STAU2: variants seen among roughly 807,000 people sequenced by gnomAD.
STAU2 encodes staufen double-stranded RNA binding protein 2.
STAU2 carries 20 observed loss-of-function variants against 65.9 expected under a neutral mutation model. That is an observed-to-expected ratio of 0.30 (90% CI 0.21 to 0.44). The LOEUF (loss-of-function observed/expected upper bound fraction) is 0.44. Ranked by LOEUF, STAU2 falls within the 20% of genes least tolerant of loss-of-function variation. STAU2 has a pLI of 1.00. For synonymous variants in STAU2, 232 were observed against 233.9 expected (o/e 0.99, Z 0.07); for missense variants, 558 against 683.9 (o/e 0.82, Z 2.05).
chr8:73,441,153 C>A (rs961555024), intron 13 of STAU2: 1 of 152,360 alleles, frequency 6.6e-6, no homozygotes, highest in East Asian at 1.9e-4. Flanking sequence ...CGCTGCCTCA[C>A]TTTTAGCAAG....
In STAU2 at chr8:73,647,092, G is replaced by A. The variant is rs543322270; in HGVS notation, c.410+26015C>T. Reference sequence around the variant, plus strand: ...TAGTGACAACCACAAATGCTGTGGAGGATGAGAAGAAACTGAATCTCTCAT... The same window carrying A: ...TAGTGACAACCACAAATGCTGTGGAAGATGAGAAGAAACTGAATCTCTCAT... On this transcript the variant is annotated intron_variant, in intron 6 of 14. Transcript: ENST00000524300. Among the ~76,000 whole-genome samples the A allele has an allele frequency of 1.3e-3, 195 of 152,190 alleles. 1 individual carries two copies. The highest frequency in any genetic ancestry group is 4.4e-3 in the African/African-American group (183 of 41,518).
At chr8:73,451,683 T>C (rs780429062) in intron 13 of STAU2, among the ~76,000 whole-genome samples, 7 of 151,916 alleles carry the variant, frequency 4.6e-5, no homozygotes, top group Non-Finnish European at 1.0e-4. Context: ...AGGTGGGCAC[T>C]CCTGACAGAC....
At chr8:73,581,911 T>C (rs922002371) in intron 12 of STAU2, among the ~76,000 whole-genome samples, 7 of 152,190 alleles carry the variant, frequency 4.6e-5, no homozygotes, top group Non-Finnish European at 8.8e-5. Context: ...TGGATTACGA[T>C]AATTTACAGA....
At chr8:73,654,664 A>AAAAAAAAAAAAAAAC (rs1554556802) in intron 6 of STAU2, among the ~76,000 whole-genome samples, 10 of 122,980 alleles carry the variant, frequency 8.1e-5, no homozygotes, top group Admixed American at 1.8e-4. Context: ...AAAAAAAAGA[A>AAAAAAAAAAAAAAAC]CTCTTTTAAT....
intron 13 of STAU2, among the ~76,000 whole-genome samples, chr8:73,464,326 G>T (rs750441229): frequency 6.6e-6 from 1 of 152,038 alleles, no homozygotes; most frequent in Non-Finnish European, 1.5e-5. Flanking sequence ...AGGTCCTTGC[G>T]GCTGCTTACT....
intron 13 of STAU2, among the ~76,000 whole-genome samples, chr8:73,465,772 C>T (rs1043453544): frequency 6.6e-6 from 1 of 152,146 alleles, no homozygotes; most frequent in African/African-American, 2.4e-5. Context: ...TGTTGTCTTT[C>T]ATTCTATTGC....
chr8:73,534,781 T>C (rs946655925), intron 13 of STAU2, among the ~76,000 whole-genome samples: 1 of 152,208 alleles, frequency 6.6e-6, no homozygotes, highest in Non-Finnish European at 1.5e-5. Flanking sequence ...AACAAAAATA[T>C]GAACATACAT....
At chr8:73,644,472 T>C (rs1472525266) in intron 6 of STAU2, among the ~76,000 whole-genome samples, 2 of 148,222 alleles carry the variant, frequency 1.3e-5, no homozygotes, top group East Asian at 2.0e-4. Flanking sequence ...TTATGAAGAA[T>C]GGTCTGAGAA....
intron 13 of STAU2, among the ~76,000 whole-genome samples, chr8:73,462,484 C>A (rs959588931): frequency 2.0e-5 from 3 of 152,116 alleles, no homozygotes; most frequent in Non-Finnish European, 4.4e-5. Flanking sequence ...CAACCTCCCC[C>A]TCCTGAGCTC....
At position 73,556,516 on chromosome 8, in the gene STAU2, G is replaced by C. The variant is rs1414768509; in HGVS notation, c.1223-4197C>G. Among the ~76,000 whole-genome samples, 6 of 152,250 alleles carry C rather than the reference G, an allele frequency of 3.9e-5. No homozygotes were observed. In the East Asian group the frequency reaches 5.8e-4, roughly 15 times the overall value. On this transcript the variant is annotated intron_variant, in intron 12 of 14. Transcript: ENST00000524300. ...CTCATGCCTGTAATCCCAGCACTTT[G>C]GGAGGCCGAAGCTGGCAAATCACGA... is the stretch of plus-strand genomic sequence containing the variant.
chr8:73,543,694 T>C (rs540104260), intron 13 of STAU2, among the ~76,000 whole-genome samples: 2 of 152,352 alleles, frequency 1.3e-5, no homozygotes, highest in African/African-American at 4.8e-5. Context: ...TTTCATGTTA[T>C]ATACTCAGTG....
chr8:73,558,457 C>T (rs1410600029), intron 12 of STAU2, among the ~76,000 whole-genome samples: 3 of 152,206 alleles, frequency 2.0e-5, no homozygotes, highest in South Asian at 2.1e-4. Context: ...CTCTGGCACA[C>T]AAATCTTCCT....
rs574391842 is a variant in STAU2, at chr8:73,674,316, T to A, written c.275-1074A>T. Among the ~76,000 whole-genome samples the A allele has an allele frequency of 5.3e-5, 8 of 151,998 alleles. 1 individual carries two copies. In the South Asian group the frequency reaches 1.7e-3, roughly 31 times the overall value. On this transcript the variant is annotated intron_variant, in intron 5 of 14. Transcript: ENST00000524300. Reference sequence around the variant, plus strand: ...TGGAACTAAATCTATCTACAGTGACTTAACCACAAAGAGAATTATTTCAAA... The same window carrying A: ...TGGAACTAAATCTATCTACAGTGACATAACCACAAAGAGAATTATTTCAAA...
chr8:73,440,269 G>A (rs1818041624), intron 13 of STAU2: 1 of 152,118 alleles, frequency 6.6e-6, no homozygotes, highest in African/African-American at 2.4e-5. Flanking sequence ...TAGAAATACT[G>A]ATAGCTCCAA....
At chr8:73,493,883 A>T (rs1385527245) in intron 13 of STAU2, among the ~76,000 whole-genome samples, 3 of 151,898 alleles carry the variant, frequency 2.0e-5, no homozygotes, top group Non-Finnish European at 4.4e-5. Context: ...GCATTTATGC[A>T]ATGAAATACT....
At chr8:73,597,108 G>A (rs1811239689) in intron 10 of STAU2, among the ~76,000 whole-genome samples, 1 of 151,720 alleles carries the variant, frequency 6.6e-6, no homozygotes, top group African/African-American at 2.4e-5. Context: ...CAAACCCAGA[G>A]AAAATAGAAG....
chr8:73,495,357 T>G (rs1433238625), intron 13 of STAU2, among the ~76,000 whole-genome samples: 1 of 151,480 alleles, frequency 6.6e-6, no homozygotes, highest in Non-Finnish European at 1.5e-5. Flanking sequence ...TATTCTGCCA[T>G]TTAATTGGAA....
At chr8:73,732,726 G>A (rs1461044394) in intron 3 of STAU2, 2 of 152,168 alleles carry the variant, frequency 1.3e-5, no homozygotes. Context: ...GCAAGAAGCA[G>A]GAGGACCTTG....
chr8:73,584,617 C>T (rs537721363), intron 11 of STAU2, among the ~76,000 whole-genome samples: 1 of 152,208 alleles, frequency 6.6e-6, no homozygotes, highest in Admixed American at 6.5e-5. Flanking sequence ...ATCATGCTAC[C>T]TTTGTACTGC....
Sources: allele counts gnomAD v4.1 joint callset (sites outside exome capture counted in the v4.1 genomes callset), GRCh38; gene constraint gnomAD v4.1.1; transcripts MANE v1.5; gene names NCBI Gene and HGNC (gene_info 2026-07-23, HGNC 2026-07-21).